The following DGKZ variants were observed in gnomAD, a reference collection of about 807,000 sequenced individuals.
The protein encoded by DGKZ is diacylglycerol kinase zeta.
Under a neutral mutation model 142.5 loss-of-function variants are expected in DGKZ, and 45 were observed. The ratio of observed to expected loss-of-function variants is 0.32; its 90% CI spans 0.25 to 0.40. DGKZ has a LOEUF of 0.40. Among genes scored for constraint, DGKZ ranks in the 10% least tolerant of loss-of-function variants. DGKZ has a pLI of 1.00. For synonymous variants in DGKZ, 442 were observed against 527.0 expected, an observed-to-expected ratio of 0.84 and a Z score of 2.21; for missense variants, 755 against 1,306.5, an observed-to-expected ratio of 0.58 and a Z score of 6.51.
At chr11:46,353,460 G>C (rs991017474) in intron 1 of DGKZ, among the ~76,000 whole-genome samples, 1 of 152,222 alleles carries the variant, frequency 6.6e-6, no homozygotes, top group Non-Finnish European at 1.5e-5. Flanking sequence ...TGGCCACCAA[G>C]ATCCCTCAAG....
chr11:46,373,087 G>A (rs1409679721), exon 14 of DGKZ: 2 of 1,544,056 alleles, frequency 1.3e-6, no homozygotes, highest in East Asian at 2.4e-5. Flanking sequence ...CCGAGATGAA[G>A]GCGCCACCGA....
chr11:46,335,106 A>C (rs1182281593), intron 1 of DGKZ, among the ~76,000 whole-genome samples: 3 of 152,078 alleles, frequency 2.0e-5, no homozygotes, highest in Non-Finnish European at 4.4e-5. Flanking sequence ...TTGAGGTCAC[A>C]AGTTCAAGAC....
At chr11:46,346,191 A>T (rs1436988682), upstream of DGKZ, among the ~76,000 whole-genome samples, 2 of 152,204 alleles carry the variant, frequency 1.3e-5, no homozygotes, top group Non-Finnish European at 2.9e-5. Flanking sequence ...TCACAGCCCT[A>T]AGCATTGGCT....
exon 30 of DGKZ, chr11:46,379,563 C>A: frequency 6.2e-7 from 1 of 1,607,852 alleles, no homozygotes; most frequent in Non-Finnish European, 8.5e-7. Context: ...GAAGACAGAC[C>A]AGCAGGTGAG....
Position 46,372,993 on chromosome 11 carries a change from C to A in DGKZ, c.1218C>A (p.Leu406=), listed in dbSNP as rs749956393. 6.5e-7 allele frequency: 1 copy of A among 1,538,744 alleles called. No individual in the cohort carries two copies. Among genetic ancestry groups the A allele is most frequent in the East Asian group, 2.5e-5 (1 of 40,674 alleles). Residue 406 remains leucine (L), a synonymous_variant, in exon 14 of 31, where the codon CTC becomes CTA. Transcript: ENST00000527911. This position sits in a 1 kb window ranked among gnomAD's most constrained non-coding sequence, Gnocchi z 5.9. ...CAGATGAGCCTGTGTCCAAGATCCT[C>A]TCCCACGTGGAGGAGGGGAACGTGG...
upstream of DGKZ, chr11:46,345,348 C>T (rs1027804917): frequency 2.9e-6 from 4 of 1,383,174 alleles, no homozygotes; most frequent in Non-Finnish European, 3.7e-6. The surrounding 1 kb of genome is among the most constrained non-coding windows in gnomAD (Gnocchi z 4.1). Flanking sequence ...CTCTAGCAGG[C>T]CCCCCCCTCG....
At position 46,377,068 on chromosome 11, in the gene DGKZ, C is replaced by G. The variant is rs143434860; in HGVS notation, c.2203-5C>G. 466 of 1,612,778 alleles carry G rather than the reference C, an allele frequency of 2.9e-4. 1 individual carries two copies. Among genetic ancestry groups the G allele is most frequent in the East Asian group, 7.6e-4 (34 of 44,880 alleles). Reference sequence around the variant, plus strand: ...CTGACCTCCCGCCCTGACCTCCCCCCACAGGAGCACCTCAACTATGTGACT... The same window carrying G: ...CTGACCTCCCGCCCTGACCTCCCCCGACAGGAGCACCTCAACTATGTGACT... On this transcript the variant is annotated splice_region_variant and splice_polypyrimidine_tract_variant and intron_variant, in intron 24 of 30. Transcript: ENST00000527911.
intron 1 of DGKZ, among the ~76,000 whole-genome samples, chr11:46,363,004 C>T (rs994280961): frequency 6.6e-6 from 1 of 152,220 alleles, no homozygotes; most frequent in Non-Finnish European, 1.5e-5. Flanking sequence ...ACAGGCTCCC[C>T]ACCCGGAGAC....
At chr11:46,377,017 C>T (rs776329612) in intron 24 of DGKZ, 56 bp from the exon 25 acceptor site, 11 of 1,500,956 alleles carry the variant, frequency 7.3e-6, no homozygotes, top group Non-Finnish European at 9.2e-6. Flanking sequence ...AGCCTTGCTG[C>T]CCCTCGGCCC....
intron 5 of DGKZ, 121 bp from the exon 6 acceptor site, chr11:46,369,820 A>T: frequency 9.3e-7 from 1 of 1,080,644 alleles, no homozygotes; most frequent in Non-Finnish European, 1.4e-6. Context: ...CCCCTCCTCC[A>T]CTCATGCGCA....
At position 46,347,868 on chromosome 11, in the gene DGKZ, C is replaced by A. The variant is rs188589648; in HGVS notation, c.161+48C>A. On this transcript the variant is annotated intron_variant, in intron 1 of 30. Transcript: ENST00000527911. This position sits in a 1 kb window ranked among gnomAD's most constrained non-coding sequence, Gnocchi z 6.4. ...AGGCACCGAGGCACCGGCAGGTTAC[C>A]GCTCCCTCACCGGGGGACATTCCTC... The A allele has an allele frequency of 4.7e-6, 6 of 1,269,298 alleles. No homozygotes were observed. The highest frequency in any genetic ancestry group is 6.0e-6 in the Non-Finnish European group (6 of 1,005,770). 78.6% of individuals were successfully genotyped at this position (1,269,298 alleles called of 1,614,324 possible).
Position 46,367,512 on chromosome 11 carries a change from A to T in DGKZ, c.270+113A>T. On this transcript the variant is annotated intron_variant, in intron 2 of 30. Coordinates refer to ENST00000527911, the Ensembl canonical transcript of DGKZ. This position sits in a 1 kb window ranked among gnomAD's most constrained non-coding sequence, Gnocchi z 4.1. ...GAGAGCCAAGCCTGGAAGGGTTGGG[A>T]CAGTGGGGCAGACGGAACAGAGCAG... 1.5e-6 allele frequency: 2 copies of T among 1,299,966 alleles called. No homozygotes were observed. The highest frequency in any genetic ancestry group is 2.1e-6 in the Non-Finnish European group (2 of 952,556). The allele number at this position is 1,299,966 out of a possible 1,614,324, so 80.5% of individuals were successfully genotyped here. A position where few individuals can be genotyped will look rare whatever the true frequency, so the allele number is the denominator to read the frequency against.
chr11:46,366,974 G>T (rs367886121), intron 1 of DGKZ: 2 of 1,529,704 alleles, frequency 1.3e-6, no homozygotes, highest in Admixed American at 2.0e-5. Flanking sequence ...GGCCTGGAGC[G>T]CCCTGCTCGC....
intron 1 of DGKZ, among the ~76,000 whole-genome samples, chr11:46,340,632 GA>G (rs1284613612): frequency 6.6e-6 from 1 of 152,192 alleles, no homozygotes; most frequent in East Asian, 1.9e-4. Context: ...TGACTTTCGT[GA>G]AGCTACCCAA....
upstream of DGKZ, among the ~76,000 whole-genome samples, chr11:46,346,009 A>C (rs561292339): frequency 2.6e-5 from 4 of 152,328 alleles, no homozygotes; most frequent in Admixed American, 6.5e-5. Context: ...GTTGTCAGGC[A>C]TACTTGGGGA....
chr11:46,337,997 C>T (rs1339472975), intron 1 of DGKZ, among the ~76,000 whole-genome samples: 1 of 152,158 alleles, frequency 6.6e-6, no homozygotes, highest in African/African-American at 2.4e-5. Context: ...GTGTGACCCC[C>T]ATACAGGGTG....
intron 1 of DGKZ, among the ~76,000 whole-genome samples, chr11:46,340,970 G>A (rs111441045): frequency 6.6e-5 from 10 of 152,356 alleles, no homozygotes; most frequent in Admixed American, 6.5e-5. Flanking sequence ...GCAACATGGC[G>A]AAACCCTGTC....
chr11:46,345,202 C>A, upstream of DGKZ: 1 of 1,263,326 alleles, frequency 7.9e-7, no homozygotes, highest in Non-Finnish European at 1.0e-6. The surrounding 1 kb of genome is among the most constrained non-coding windows in gnomAD (Gnocchi z 4.1). Flanking sequence ...CCATGGCTGC[C>A]TCCTGGCTGC....
At position 46,372,593 on chromosome 11, in the gene DGKZ, A is replaced by G. The variant is rs1177247003; in HGVS notation, c.1011-24A>G. 1.2e-6 allele frequency: 2 copies of G among 1,613,742 alleles called. No individual in the cohort carries two copies. Reference sequence around the variant, plus strand: ...GGTACAGCACACATCCCCTGACCCCACTGCCATCTTCCCATGAGCCCAGGC... The same window carrying G: ...GGTACAGCACACATCCCCTGACCCCGCTGCCATCTTCCCATGAGCCCAGGC... On this transcript the variant is annotated intron_variant, in intron 11 of 30. Transcript: ENST00000527911. This position sits in a 1 kb window ranked among gnomAD's most constrained non-coding sequence, Gnocchi z 5.9.
Sources: allele counts gnomAD v4.1 joint callset (sites outside exome capture counted in the v4.1 genomes callset), GRCh38; gene constraint gnomAD v4.1.1; non-coding constraint Gnocchi (gnomAD v3.1); transcripts MANE v1.5; gene names NCBI Gene and HGNC (gene_info 2026-07-23, HGNC 2026-07-21).